Variants in WWOX observed in about 807,000 individuals in gnomAD.
WWOX encodes the protein WW domain-containing oxidoreductase.
WWOX carries 69 observed loss-of-function variants against 46.2 expected under a neutral mutation model. The observed-to-expected ratio is 1.49, with a 90% confidence interval of 1.23 to 1.82. The LOEUF is 1.82. WWOX is among the 40% of genes most tolerant of loss of function. The pLI is 0.00. For synonymous variants in WWOX, 359 were observed against 202.6 expected (o/e 1.77, Z -6.56); for missense variants, 919 against 542.6 (o/e 1.69, Z -6.89).
chr16:78,496,544 C>G (rs768265444), intron 8 of WWOX: 5 of 152,336 alleles, frequency 3.3e-5, no homozygotes, highest in South Asian at 4.1e-4. Context: ...GTGTACCATT[C>G]TATGACCATT....
At chr16:78,748,207 G>T (rs959578423) in intron 8 of WWOX, among the ~76,000 whole-genome samples, 1 of 152,188 alleles carries the variant, frequency 6.6e-6, no homozygotes, top group African/African-American at 2.4e-5. Context: ...AGCTAGGGCA[G>T]TGTCCACTCA....
intron 8 of WWOX, among the ~76,000 whole-genome samples, chr16:79,017,595 A>C (rs1467964516): frequency 6.6e-6 from 1 of 152,136 alleles, no homozygotes; most frequent in Non-Finnish European, 1.5e-5. Flanking sequence ...TTCTACTGCA[A>C]AAACAGCCAT....
At chr16:78,569,987 G>A (rs1373367840) in intron 8 of WWOX, among the ~76,000 whole-genome samples, 17 of 152,188 alleles carry the variant, frequency 1.1e-4, no homozygotes, top group Non-Finnish European at 2.9e-5. Flanking sequence ...ATCCTGAAGA[G>A]CTTGCAGTGG....
At chr16:78,719,848 G>C (rs1286044640) in intron 8 of WWOX, among the ~76,000 whole-genome samples, 1 of 152,114 alleles carries the variant, frequency 6.6e-6, no homozygotes, top group Non-Finnish European at 1.5e-5. Flanking sequence ...TGACGGGAAA[G>C]AAAGAAAACC....
chr16:78,887,728 A>G (rs2044497914), intron 8 of WWOX, among the ~76,000 whole-genome samples: 1 of 152,228 alleles, frequency 6.6e-6, no homozygotes, highest in South Asian at 2.1e-4. Flanking sequence ...TGACAAAACA[A>G]AAGAAGATTT....
At chr16:79,017,070 A>T (rs1396178182) in intron 8 of WWOX, 1 of 152,112 alleles carries the variant, frequency 6.6e-6, no homozygotes, top group East Asian at 1.9e-4. Context: ...CAGGTCGGGT[A>T]TATTATGTCC....
At chr16:78,463,877 C>T (rs2738659) in intron 8 of WWOX, among the ~76,000 whole-genome samples, 1 of 151,950 alleles carries the variant, frequency 6.6e-6, no homozygotes, top group Non-Finnish European at 1.5e-5. Context: ...AAACTTCCTC[C>T]TTTTCTAGTA....
chr16:78,332,962 C>T (rs1307222369), intron 5 of WWOX, among the ~76,000 whole-genome samples: 1 of 151,398 alleles, frequency 6.6e-6, no homozygotes, highest in Non-Finnish European at 1.5e-5. Context: ...TGCTCAGAAC[C>T]CTTGTACTTA....
chr16:78,736,047 T>C (rs1292493448), intron 8 of WWOX, among the ~76,000 whole-genome samples: 3 of 152,224 alleles, frequency 2.0e-5, no homozygotes, highest in Non-Finnish European at 4.4e-5. Flanking sequence ...AGACTAGAGA[T>C]GAAGACAGGG....
At chr16:78,595,532 T>G (rs1366622520) in intron 8 of WWOX, among the ~76,000 whole-genome samples, 1 of 152,198 alleles carries the variant, frequency 6.6e-6, no homozygotes, top group Non-Finnish European at 1.5e-5. Flanking sequence ...CTCTCAATGG[T>G]GAGGTCCTCA....
At chr16:78,825,653 C>A in intron 8 of WWOX, 1 of 522,432 alleles carries the variant, frequency 1.9e-6, no homozygotes. Flanking sequence ...TGTGGTTCAT[C>A]ATGAATAGGG....
At chr16:78,398,253 T>A (rs959295861) in intron 6 of WWOX, among the ~76,000 whole-genome samples, 1 of 152,192 alleles carries the variant, frequency 6.6e-6, no homozygotes, top group Non-Finnish European at 1.5e-5. Flanking sequence ...CCCAGGCCTC[T>A]GGGATCTGAT....
chr16:78,308,058 T>C (rs184742201), intron 5 of WWOX, among the ~76,000 whole-genome samples: 6 of 137,092 alleles, frequency 4.4e-5, no homozygotes, highest in Non-Finnish European at 3.3e-5. Context: ...GTGCCTGCAC[T>C]AGCAGGGACT....
intron 8 of WWOX, among the ~76,000 whole-genome samples, chr16:78,915,033 A>G (rs1385761895): frequency 2.0e-5 from 3 of 152,142 alleles, no homozygotes; most frequent in Admixed American, 6.5e-5. Context: ...GAAAATGATC[A>G]CTTAGCCTGA....
At position 78,381,418 on chromosome 16, in the gene WWOX, A is replaced by C. The variant is rs2081954904; in HGVS notation, c.517-5442A>C. Reference sequence around the variant, plus strand: ...CCACTATATTCAAGGGAAATGGGAGACATGCACCTGGGTTGTTTGATTATG... The same window carrying C: ...CCACTATATTCAAGGGAAATGGGAGCCATGCACCTGGGTTGTTTGATTATG... On this transcript the variant is annotated intron_variant, in intron 5 of 8. Coordinates refer to ENST00000566780, the MANE Select transcript of WWOX (RefSeq NM_016373.4). 2.6e-5 allele frequency among the ~76,000 whole-genome samples: 4 copies of C among 151,326 alleles called. No homozygotes were observed. In the South Asian group the frequency reaches 8.3e-4, roughly 31 times the overall value.
At chr16:78,115,483 G>T (rs749774287) in intron 4 of WWOX, among the ~76,000 whole-genome samples, 1 of 152,146 alleles carries the variant, frequency 6.6e-6, no homozygotes, top group Non-Finnish European at 1.5e-5. Context: ...AATTACCTGG[G>T]TTATTCAAAC....
chr16:78,698,095 A>G (rs1005280543), intron 8 of WWOX, among the ~76,000 whole-genome samples: 8 of 152,226 alleles, frequency 5.3e-5, no homozygotes, highest in East Asian at 1.9e-4. Context: ...GTCATCATGT[A>G]TATATTTTCA....
chr16:79,081,730 A>G (rs552250231), intron 8 of WWOX, among the ~76,000 whole-genome samples: 34 of 152,250 alleles, frequency 2.2e-4, no homozygotes, highest in African/African-American at 7.2e-4. Flanking sequence ...AGACCATGCC[A>G]AGTGTGAACC....
intron 4 of WWOX, among the ~76,000 whole-genome samples, chr16:78,154,119 AC>A: frequency 6.6e-6 from 1 of 152,184 alleles, no homozygotes; most frequent in Admixed American, 6.5e-5. Flanking sequence ...TGCCAAGCTC[AC>A]CAGTGGCCCA....
Sources: gnomAD v4.1 joint callset for allele counts (sites outside exome capture counted in the v4.1 genomes callset) on GRCh38, gnomAD v4.1.1 for gene constraint, MANE v1.5 for transcripts, NCBI Gene and HGNC (gene_info 2026-07-23, HGNC 2026-07-21) for gene names.